Variants in TRHDE observed in about 807,000 individuals in gnomAD.
TRHDE encodes the protein thyrotropin releasing hormone degrading enzyme.
TRHDE carries 72 observed loss-of-function variants against 125.7 expected under a neutral mutation model. That is an observed-to-expected ratio of 0.57 (90% confidence interval 0.47 to 0.70). The LOEUF is 0.70. Ranked by LOEUF, TRHDE falls within the 30% of genes least tolerant of loss-of-function variation. TRHDE has a pLI of 0.00. For synonymous variants in TRHDE, 509 were observed against 509.1 expected, an observed-to-expected ratio of 1.00 and a Z score of 0.00; for missense variants, 1,110 against 1,327.1, an observed-to-expected ratio of 0.84 and a Z score of 2.54.
At chr12:72,643,660 C>A (rs1477661359) in intron 15 of TRHDE, among the ~76,000 whole-genome samples, 1 of 152,154 alleles carries the variant, frequency 6.6e-6, no homozygotes, top group East Asian at 1.9e-4. Context: ...CTTTCAGAAT[C>A]TCTTCTTCTT....
chr12:72,115,723 C>A (rs1875427902), intron 2 of TRHDE, among the ~76,000 whole-genome samples: 1 of 152,096 alleles, frequency 6.6e-6, no homozygotes, highest in Non-Finnish European at 1.5e-5. Context: ...TATTATGTGT[C>A]TTTTGTATAA....
chr12:72,388,757 G>A (rs1228711169), intron 3 of TRHDE, among the ~76,000 whole-genome samples: 1 of 152,018 alleles, frequency 6.6e-6, no homozygotes, highest in Admixed American at 6.6e-5. Context: ...AAAAATGGGT[G>A]AGTTAGTACC....
At chr12:72,651,519 A>C (rs569431904) in intron 15 of TRHDE, among the ~76,000 whole-genome samples, 1 of 152,062 alleles carries the variant, frequency 6.6e-6, no homozygotes, top group African/African-American at 2.4e-5. Context: ...GCAAAATTAA[A>C]TTTTGAAACT....
Position 72,562,921 on chromosome 12 carries a change from T to C in TRHDE, c.1923T>C (p.Gly641=), listed in dbSNP as rs370757880. The C allele has an allele frequency of 4.8e-5, 78 of 1,610,052 alleles. No individual in the cohort carries two copies. The Middle Eastern group carries it at 6.6e-4, about 14-fold the overall frequency. ...EVMDQWTLQM[G]YPVITILGNT... ...TGGATCAGTGGACACTCCAGATGGG[T>C]TATCCTGTTATCACCATCTTGGGAA... The change falls in exon 9 of 19, where the codon GGT becomes GGC. Residue 641 remains glycine, a synonymous_variant. Coordinates refer to ENST00000261180, the MANE Select transcript of TRHDE (RefSeq NM_013381.3).
intron 3 of TRHDE, among the ~76,000 whole-genome samples, chr12:72,468,983 T>G (rs190072583): frequency 1.3e-5 from 2 of 152,242 alleles, no homozygotes; most frequent in Non-Finnish European, 2.9e-5. Context: ...TAACCAGAAG[T>G]TGATAACACC....
At chr12:72,156,255 T>C (rs535964170) in intron 2 of TRHDE, among the ~76,000 whole-genome samples, 175 of 152,184 alleles carry the variant, frequency 1.1e-3, no homozygotes, top group Non-Finnish European at 2.1e-3. Flanking sequence ...AGCACAGTAT[T>C]AGGGTGGGAG....
intron 1 of TRHDE, chr12:72,274,953 A>G (rs1466147271): frequency 6.6e-6 from 1 of 152,258 alleles, no homozygotes; most frequent in Non-Finnish European, 1.5e-5. Flanking sequence ...CATTGCTAAG[A>G]TAACTTAGAT....
intron 2 of TRHDE, among the ~76,000 whole-genome samples, chr12:72,170,821 T>A (rs1876856569): frequency 6.6e-6 from 1 of 151,882 alleles, no homozygotes; most frequent in African/African-American, 2.4e-5. Flanking sequence ...CCACAATTTC[T>A]CTCTCTCTCT....
chr12:72,185,014 C>T (rs1877173057), intron 2 of TRHDE, among the ~76,000 whole-genome samples: 2 of 152,196 alleles, frequency 1.3e-5, no homozygotes, highest in Admixed American at 1.3e-4. Context: ...GGAGCCCACT[C>T]CCTCAGCTTG....
intron 2 of TRHDE, among the ~76,000 whole-genome samples, chr12:72,138,588 T>C (rs1876042585): frequency 6.6e-6 from 1 of 152,192 alleles, no homozygotes; most frequent in Non-Finnish European, 1.5e-5. Flanking sequence ...GTGGATCTCA[T>C]GGAAAGGATC....
At chr12:72,604,054 A>T (rs1592566952) in intron 12 of TRHDE, among the ~76,000 whole-genome samples, 1 of 152,202 alleles carries the variant, frequency 6.6e-6, no homozygotes, top group African/African-American at 2.4e-5. Flanking sequence ...AAGATAAAAA[A>T]AAAGAACAAT....
chr12:72,636,278 G>A (rs1398298401), intron 15 of TRHDE, among the ~76,000 whole-genome samples: 4 of 150,004 alleles, frequency 2.7e-5, no homozygotes, highest in African/African-American at 4.9e-5. Context: ...GTGAATGGGA[G>A]TTCACTCATG....
At chr12:72,241,278 A>G (rs943322461) in intron 2 of TRHDE, among the ~76,000 whole-genome samples, 12 of 152,120 alleles carry the variant, frequency 7.9e-5, no homozygotes, top group African/African-American at 2.9e-4. Context: ...CTCAAAACAC[A>G]TCACTGTGCT....
chr12:72,361,171 G>A (rs185087858), intron 2 of TRHDE, among the ~76,000 whole-genome samples: 172 of 151,788 alleles, frequency 1.1e-3, no homozygotes, highest in African/African-American at 3.8e-3. Flanking sequence ...ATTCTTCTGT[G>A]GAATTGCTCT....
chr12:72,315,134 A>T (rs1868736134), intron 2 of TRHDE, among the ~76,000 whole-genome samples: 1 of 152,220 alleles, frequency 6.6e-6, no homozygotes, highest in Admixed American at 6.5e-5. Context: ...TTCAATTTAA[A>T]GGAAAGTGGT....
chr12:72,113,947 T>C (rs925769057), intron 2 of TRHDE, among the ~76,000 whole-genome samples: 16 of 152,232 alleles, frequency 1.1e-4, no homozygotes, highest in African/African-American at 3.4e-4. Flanking sequence ...AGAGCTTATA[T>C]TCCAACTCAG....
intron 2 of TRHDE, among the ~76,000 whole-genome samples, chr12:72,289,578 T>C (rs1220017522): frequency 6.6e-6 from 1 of 152,196 alleles, no homozygotes; most frequent in Non-Finnish European, 1.5e-5. Context: ...AATGGAAAGC[T>C]CTTCTAACAC....
intron 2 of TRHDE, among the ~76,000 whole-genome samples, chr12:72,210,546 T>C (rs1443495907): frequency 2.0e-5 from 3 of 152,158 alleles, no homozygotes; most frequent in Non-Finnish European, 4.4e-5. Context: ...AAAGAGAAAA[T>C]TATGACTCCT....
At chr12:72,573,607 G>A (rs193157562) in intron 10 of TRHDE, among the ~76,000 whole-genome samples, 90 of 152,012 alleles carry the variant, frequency 5.9e-4, no homozygotes, top group Non-Finnish European at 1.1e-3. Flanking sequence ...AAACACTTAC[G>A]TATAGGAAAG....
Sources: allele counts gnomAD v4.1 joint callset (sites outside exome capture counted in the v4.1 genomes callset), GRCh38; gene constraint gnomAD v4.1.1; transcripts MANE v1.5; gene names NCBI Gene and HGNC (gene_info 2026-07-23, HGNC 2026-07-21).